The following CSMD1 variants were observed in gnomAD, a reference collection of about 807,000 sequenced individuals.
The protein encoded by CSMD1 is CUB and sushi domain-containing protein 1.
CSMD1 carries 213 observed loss-of-function variants against 417.5 expected under a neutral mutation model. The ratio of observed to expected loss-of-function variants is 0.51; its 90% CI spans 0.46 to 0.57. The LOEUF is 0.57. Ranked by LOEUF, CSMD1 falls within the 20% of genes least tolerant of loss-of-function variation. CSMD1 has a pLI of 0.00. For missense variants in CSMD1, 6,923 were observed against 4,529.7 expected (o/e 1.53, Z -15.17); for synonymous variants, 2,862 against 1,736.8 (o/e 1.65, Z -16.11).
intron 1 of CSMD1, among the ~76,000 whole-genome samples, chr8:4,795,252 C>CTTGTTTTTTTTTTTTTT (rs1797912773): frequency 2.2e-5 from 1 of 46,226 alleles, no homozygotes; most frequent in Non-Finnish European, 4.2e-5. Flanking sequence ...GGTGTCATAG[C>CTTGTTTTTTTTTTTTTT]TTTTTTTTTT....
intron 10 of CSMD1, among the ~76,000 whole-genome samples, chr8:3,544,008 C>A (rs897828958): frequency 5.3e-5 from 8 of 152,008 alleles, no homozygotes; most frequent in African/African-American, 1.7e-4. Flanking sequence ...GAAGCAGAGT[C>A]TAAGTAGGTA....
intron 2 of CSMD1, among the ~76,000 whole-genome samples, chr8:4,552,608 T>A (rs1797922050): frequency 6.6e-6 from 1 of 151,944 alleles, no homozygotes; most frequent in South Asian, 2.1e-4. Flanking sequence ...GGAATCACAG[T>A]GAGTTTCAAT....
At chr8:3,016,670 T>A (rs1308953015) in intron 52 of CSMD1, among the ~76,000 whole-genome samples, 4 of 152,234 alleles carry the variant, frequency 2.6e-5, no homozygotes, top group Admixed American at 2.6e-4. Flanking sequence ...ACTCTATGTC[T>A]CTTCCAATTT....
At position 3,121,843 on chromosome 8, in the gene CSMD1, G is replaced by A. The variant is rs551163041; in HGVS notation, c.6242-3256C>T. Reference sequence around the variant, plus strand: ...ACAAACAAAAAACAGATACAAAGGAGTATTGCCTAATTAACAAGATCAGTG... The same window carrying A: ...ACAAACAAAAAACAGATACAAAGGAATATTGCCTAATTAACAAGATCAGTG... On this transcript the variant is annotated intron_variant, in intron 41 of 69. Coordinates refer to ENST00000635120, the MANE Select transcript of CSMD1 (RefSeq NM_033225.6). Among the ~76,000 whole-genome samples, 8 of 152,062 alleles carry A rather than the reference G, an allele frequency of 5.3e-5. 1 individual carries two copies. The South Asian group carries it at 1.7e-3, about 32-fold the overall frequency.
intron 4 of CSMD1, among the ~76,000 whole-genome samples, chr8:4,016,268 G>C (rs957373495): frequency 1.3e-5 from 2 of 152,112 alleles, no homozygotes; most frequent in African/African-American, 4.8e-5. Flanking sequence ...TAATTCATAG[G>C]TACCTAAAAA....
intron 5 of CSMD1, among the ~76,000 whole-genome samples, chr8:3,900,181 G>C (rs1007230870): frequency 6.6e-6 from 1 of 152,224 alleles, no homozygotes; most frequent in Admixed American, 6.5e-5. Context: ...TGACAGTGTA[G>C]CTGGGTAACA....
At chr8:3,858,813 G>A (rs557509695) in intron 5 of CSMD1, among the ~76,000 whole-genome samples, 25 of 152,102 alleles carry the variant, frequency 1.6e-4, no homozygotes, top group Admixed American at 1.3e-3. Context: ...TAATGTTATC[G>A]GGAAATAACA....
intron 49 of CSMD1, 108 bp from the exon 50 acceptor site, chr8:3,052,755 A>T: frequency 1.3e-6 from 1 of 782,742 alleles, no homozygotes; most frequent in Non-Finnish European, 1.9e-6. Flanking sequence ...TTTCATTAAA[A>T]TTGTGAATTA....
chr8:3,795,043 C>CTATCATGTATAGCTATAGATACATATA (rs1563086854), intron 5 of CSMD1, among the ~76,000 whole-genome samples: 6 of 125,936 alleles, frequency 4.8e-5, no homozygotes, highest in South Asian at 2.6e-4. Flanking sequence ...AGATACATAT[C>CTATCATGTATAGCTATAGATACATATA]TATCATGTAT....
intron 1 of CSMD1, among the ~76,000 whole-genome samples, chr8:4,935,585 AG>A (rs1807559934): frequency 6.6e-6 from 1 of 152,230 alleles, no homozygotes; most frequent in South Asian, 2.1e-4. Flanking sequence ...TTCAGCAAAA[AG>A]TCTATAAGCC....
chr8:4,673,911 G>T (rs754128105), intron 1 of CSMD1, among the ~76,000 whole-genome samples: 1 of 152,112 alleles, frequency 6.6e-6, no homozygotes, highest in Non-Finnish European at 1.5e-5. Flanking sequence ...TACAGGGTTT[G>T]GGAGGATAGA....
chr8:4,688,128 G>A (rs568553804), intron 1 of CSMD1, among the ~76,000 whole-genome samples: 2 of 152,160 alleles, frequency 1.3e-5, no homozygotes, highest in South Asian at 4.1e-4. Context: ...GATTGTATGA[G>A]GTATTTGATT....
chr8:4,790,032 G>C (rs959674146), intron 1 of CSMD1, among the ~76,000 whole-genome samples: 1 of 152,148 alleles, frequency 6.6e-6, no homozygotes, highest in Non-Finnish European at 1.5e-5. Context: ...AGGAATCCAG[G>C]ATTATGTGTG....
At chr8:4,555,529 C>A (rs1030170416) in intron 2 of CSMD1, among the ~76,000 whole-genome samples, 3 of 152,176 alleles carry the variant, frequency 2.0e-5, no homozygotes, top group Middle Eastern at 6.4e-3. Context: ...TCTCCATCTG[C>A]ATCCCAGTTC....
chr8:4,180,696 T>C (rs1318472398), intron 3 of CSMD1, among the ~76,000 whole-genome samples: 1 of 152,194 alleles, frequency 6.6e-6, no homozygotes, highest in East Asian at 1.9e-4. Context: ...GGTAGCTCAC[T>C]GGTTGTCATG....
At chr8:2,963,945 C>G (rs763276217) in intron 59 of CSMD1, among the ~76,000 whole-genome samples, 1 of 152,158 alleles carries the variant, frequency 6.6e-6, no homozygotes, top group Non-Finnish European at 1.5e-5. Flanking sequence ...AGCCTTGGAG[C>G]CTGATGTCCA....
intron 2 of CSMD1, among the ~76,000 whole-genome samples, chr8:4,468,236 G>T (rs994881323): frequency 2.0e-5 from 3 of 152,200 alleles, no homozygotes; most frequent in African/African-American, 4.8e-5. Flanking sequence ...GGGAAAGGAA[G>T]GAGAGCTGGC....
intron 4 of CSMD1, among the ~76,000 whole-genome samples, chr8:4,021,099 C>T (rs1796766811): frequency 1.3e-5 from 2 of 152,172 alleles, no homozygotes; most frequent in African/African-American, 4.8e-5. Flanking sequence ...ATAGAGGATA[C>T]AACAAGTTTA....
At chr8:3,311,903 A>G (rs1805380742) in intron 23 of CSMD1, among the ~76,000 whole-genome samples, 1 of 152,218 alleles carries the variant, frequency 6.6e-6, no homozygotes, top group Non-Finnish European at 1.5e-5. Flanking sequence ...ATAGCTATTA[A>G]TGCTTTAAAC....
Sources: allele counts gnomAD v4.1 joint callset (sites outside exome capture counted in the v4.1 genomes callset), GRCh38; gene constraint gnomAD v4.1.1; transcripts MANE v1.5; gene names NCBI Gene and HGNC (gene_info 2026-07-23, HGNC 2026-07-21).